The following PDE10A variants were observed in gnomAD, a reference collection of about 807,000 sequenced individuals.
PDE10A encodes the protein cAMP and cAMP-inhibited cGMP 3',5'-cyclic phosphodiesterase 10A.
In PDE10A, 39 loss-of-function variants were observed where a neutral mutation model predicts 97.7. The observed-to-expected ratio is 0.40, with a 90% CI of 0.31 to 0.52. The LOEUF is 0.52. PDE10A is among the 20% of genes least tolerant of loss of function. PDE10A has a pLI of 0.56. For missense variants in PDE10A, 731 were observed against 1,047.8 expected (o/e 0.70, Z 4.17); for synonymous variants, 371 against 376.8 (o/e 0.98, Z 0.18).
intron 3 of PDE10A, among the ~76,000 whole-genome samples, chr6:165,464,031 T>C (rs1349172091): frequency 1.3e-5 from 2 of 152,168 alleles, no homozygotes; most frequent in African/African-American, 4.8e-5. Flanking sequence ...TTAATAAATA[T>C]GTGGGTAAAT....
At chr6:165,676,770 C>T (rs1358925234) in intron 1 of PDE10A, among the ~76,000 whole-genome samples, 2 of 152,110 alleles carry the variant, frequency 1.3e-5, no homozygotes, top group Non-Finnish European at 2.9e-5. Context: ...CCACATTTCA[C>T]GGCTATTTTC....
At chr6:165,704,816 G>T (rs1582961086) in intron 1 of PDE10A, among the ~76,000 whole-genome samples, 1 of 152,178 alleles carries the variant, frequency 6.6e-6, no homozygotes. Flanking sequence ...TGATCATTTT[G>T]TGCCTTTTGA....
intron 1 of PDE10A, among the ~76,000 whole-genome samples, chr6:165,610,094 C>T (rs2128400663): frequency 6.6e-6 from 1 of 152,332 alleles, no homozygotes. Flanking sequence ...CATCATGCTA[C>T]CTGACTTCAA....
At chr6:165,573,179 C>A (rs942842723) in intron 1 of PDE10A, among the ~76,000 whole-genome samples, 5 of 151,914 alleles carry the variant, frequency 3.3e-5, no homozygotes, top group Non-Finnish European at 5.9e-5. Context: ...TCATAAGGAG[C>A]CATTAAAATA....
chr6:165,702,514 C>G (rs1232734460), intron 1 of PDE10A, among the ~76,000 whole-genome samples: 1 of 152,178 alleles, frequency 6.6e-6, no homozygotes, highest in Non-Finnish European at 1.5e-5. Flanking sequence ...AGTCAAGCCC[C>G]ACAAAGAAGA....
rs1787980168 is a variant in PDE10A, at chr6:165,619,469, GTAGTGTAGTC to G, written c.865+42468_865+42477del. On this transcript the variant is annotated intron_variant, in intron 1 of 21. Coordinates refer to ENST00000539869, the MANE Select transcript of PDE10A (RefSeq NM_001385079.1). ...ATAGTCTAGTGTAGTGTAGTCTAGT[GTAGTGTAGTC>G]TAGTGTAGTCTAGTGTAGTCTAGTG... 5.6e-3 allele frequency among the ~76,000 whole-genome samples: 201 copies of G among 36,190 alleles called. 7 individuals carry two copies. The highest frequency in any genetic ancestry group is 0.045 in the Middle Eastern group (2 of 44). The allele number at this position is 36,190 out of a possible 152,430, so 23.7% of individuals were successfully genotyped here.
At chr6:165,366,297 T>C (rs1417686196) in intron 18 of PDE10A, among the ~76,000 whole-genome samples, 1 of 152,112 alleles carries the variant, frequency 6.6e-6, no homozygotes, top group African/African-American at 2.4e-5. Context: ...GCAAAATACA[T>C]ACAAACATCA....
chr6:165,603,387 T>C (rs1787060523), intron 1 of PDE10A, among the ~76,000 whole-genome samples: 1 of 152,154 alleles, frequency 6.6e-6, no homozygotes, highest in African/African-American at 2.4e-5. Flanking sequence ...CAGGAAACAG[T>C]GAAAACATAG....
intron 18 of PDE10A, among the ~76,000 whole-genome samples, chr6:165,362,765 GA>G (rs1050090417): frequency 1.3e-5 from 2 of 152,212 alleles, no homozygotes; most frequent in African/African-American, 4.8e-5. Flanking sequence ...CCACAAAAAA[GA>G]AAAGTACAGA....
chr6:165,750,655 C>T (rs935084943), intron 1 of PDE10A, among the ~76,000 whole-genome samples: 1 of 152,212 alleles, frequency 6.6e-6, no homozygotes, highest in African/African-American at 2.4e-5. Context: ...TCTTCAACTT[C>T]TGAGTGGAGT....
intron 3 of PDE10A, among the ~76,000 whole-genome samples, chr6:165,475,347 AG>A (rs1218038320): frequency 1.3e-5 from 2 of 152,230 alleles, no homozygotes; most frequent in African/African-American, 4.8e-5. Flanking sequence ...TGGCTACACC[AG>A]GAAAAATAAG....
intron 1 of PDE10A, among the ~76,000 whole-genome samples, chr6:165,600,060 AT>A (rs1376967930): frequency 6.6e-6 from 1 of 152,120 alleles, no homozygotes; most frequent in East Asian, 1.9e-4. Context: ...CGACCGGGGA[AT>A]CCTCGCCACA....
chr6:165,786,899 C>A (rs1363119289), intron 1 of PDE10A, among the ~76,000 whole-genome samples: 1 of 152,134 alleles, frequency 6.6e-6, no homozygotes, highest in Non-Finnish European at 1.5e-5. Flanking sequence ...AATTTCAAAT[C>A]TTCACATATA....
intron 13 of PDE10A, among the ~76,000 whole-genome samples, chr6:165,396,889 C>A (rs1786216482): frequency 6.6e-6 from 1 of 152,186 alleles, no homozygotes; most frequent in Non-Finnish European, 1.5e-5. Context: ...ACCTGCACAT[C>A]AAATTCATCT....
At chr6:165,917,230 C>G (rs1300684593) in intron 1 of PDE10A, among the ~76,000 whole-genome samples, 1 of 152,198 alleles carries the variant, frequency 6.6e-6, no homozygotes, top group Non-Finnish European at 1.5e-5. Context: ...GAAAACCCTT[C>G]CCTAGGTGCC....
In PDE10A at chr6:165,615,211, G is replaced by GAA. The variant is rs67040785; in HGVS notation, c.865+46734_865+46735dup. The stretch of plus-strand genomic sequence containing the variant: ...GGTGACAGAGCAAGACTCCATCTCA[G>GAA]AAAAAAAAAAAAGAAAGAAAGAAAG... On this transcript the variant is annotated intron_variant, in intron 1 of 21. Coordinates refer to ENST00000539869, the MANE Select transcript of PDE10A (RefSeq NM_001385079.1). 3.2e-3 allele frequency among the ~76,000 whole-genome samples: 429 copies of GAA among 134,538 alleles called. 3 individuals are homozygous for GAA. Among genetic ancestry groups the GAA allele is most frequent in the African/African-American group, 0.011 (386 of 36,122 alleles). The allele number at this position is 134,538 out of a possible 152,430, so 88.3% of individuals were successfully genotyped here.
chr6:165,652,294 T>G (rs1488547638), intron 1 of PDE10A, among the ~76,000 whole-genome samples: 1 of 152,142 alleles, frequency 6.6e-6, no homozygotes, highest in South Asian at 2.1e-4. Context: ...TCTCCCTCTG[T>G]TGCCCAGGCT....
intron 1 of PDE10A, among the ~76,000 whole-genome samples, chr6:165,677,141 C>T (rs1184138716): frequency 6.6e-6 from 1 of 152,202 alleles, no homozygotes; most frequent in Non-Finnish European, 1.5e-5. Flanking sequence ...TGAGGATTAA[C>T]GTTAGATCCG....
At chr6:165,644,624 C>T (rs949060004) in intron 1 of PDE10A, among the ~76,000 whole-genome samples, 1 of 152,224 alleles carries the variant, frequency 6.6e-6, no homozygotes, top group Non-Finnish European at 1.5e-5. Context: ...AACTGGCACT[C>T]ACAACATATA....
Sources: allele counts gnomAD v4.1 joint callset (sites outside exome capture counted in the v4.1 genomes callset), GRCh38; gene constraint gnomAD v4.1.1; transcripts MANE v1.5; gene names NCBI Gene and HGNC (gene_info 2026-07-23, HGNC 2026-07-21).